The following CRAMP1 variants were observed in gnomAD, a reference collection of about 807,000 sequenced individuals.
CRAMP1 encodes the protein cramped chromatin regulator 1.
CRAMP1 carries 50 observed loss-of-function variants against 115.4 expected under a neutral mutation model. The observed-to-expected ratio is 0.43, with a 90% CI of 0.35 to 0.55. The LOEUF (loss-of-function observed/expected upper bound fraction) is 0.55. Among genes scored for constraint, CRAMP1 ranks in the 20% least tolerant of loss-of-function variants. The probability of loss-of-function intolerance (pLI) is 0.01; values close to 1 mark genes in which losing one functional copy is unlikely to be tolerated. For missense variants in CRAMP1, 1,679 were observed against 1,721.7 expected (o/e 0.98, Z 0.44); for synonymous variants, 866 against 745.4 (o/e 1.16, Z -2.64).
intron 6 of CRAMP1, among the ~76,000 whole-genome samples, chr16:1,651,251 G>C (rs1170522711): frequency 6.6e-6 from 1 of 150,916 alleles, no homozygotes; most frequent in Non-Finnish European, 1.5e-5. Flanking sequence ...TTACACAGAG[G>C]TCACACGGTG....
At chr16:1,648,822 G>A (rs1015453718) in intron 6 of CRAMP1, among the ~76,000 whole-genome samples, 6 of 152,286 alleles carry the variant, frequency 3.9e-5, no homozygotes, top group African/African-American at 1.4e-4. Flanking sequence ...ACTTTGGGAG[G>A]CCGAGGCGGG....
chr16:1,639,846 C>G (rs2036617560), intron 5 of CRAMP1, among the ~76,000 whole-genome samples: 3 of 152,292 alleles, frequency 2.0e-5, no homozygotes, highest in Admixed American at 6.5e-5. Context: ...TGATTTAGTT[C>G]TAGGAAGTCA....
Position 1,669,332 on chromosome 16 carries a change from T to C in CRAMP1, c.3499+167T>C, listed in dbSNP as rs890803284. Among the ~76,000 whole-genome samples, 9 of 152,228 alleles carry C rather than the reference T, an allele frequency of 5.9e-5. No homozygotes were observed. The highest frequency in any genetic ancestry group is 2.9e-5 in the Non-Finnish European group (2 of 68,048). On this transcript the variant is annotated intron_variant, in intron 19 of 20. Transcript: ENST00000397412. The surrounding 1 kb of genome is among the most constrained non-coding windows in gnomAD (Gnocchi z 4.6). ...TTAATATTTTTGGGTGTAATTTACA[T>C]GTAGGAAAATGTACACATTTTTAGT...
At chr16:1,628,558 A>G (rs2036524955) in intron 3 of CRAMP1, among the ~76,000 whole-genome samples, 1 of 152,232 alleles carries the variant, frequency 6.6e-6, no homozygotes, top group Admixed American at 6.5e-5. Flanking sequence ...CTGGCCTAAC[A>G]CGTTTCATTT....
intron 8 of CRAMP1, among the ~76,000 whole-genome samples, chr16:1,654,142 C>CAA (rs1271683909): frequency 2.4e-5 from 2 of 82,442 alleles, no homozygotes; most frequent in Admixed American, 1.3e-4. Context: ...GATTCCATCT[C>CAA]AAAAAAAAAA....
intron 3 of CRAMP1, among the ~76,000 whole-genome samples, chr16:1,627,255 C>T (rs936571114): frequency 1.3e-5 from 2 of 152,092 alleles, no homozygotes; most frequent in South Asian, 2.1e-4. Context: ...AAGCAATTCT[C>T]GTGCCTCAGC....
At chr16:1,663,688 T>TACC (rs1022453052) in intron 13 of CRAMP1, among the ~76,000 whole-genome samples, 10 of 152,194 alleles carry the variant, frequency 6.6e-5, no homozygotes, top group African/African-American at 2.2e-4. Context: ...CCCAGAACGT[T>TACC]ACCACCCAGA....
At position 1,662,547 on chromosome 16, in the gene CRAMP1, A is replaced by G. The variant is rs772436155; in HGVS notation, c.2471A>G (p.Asn824Ser). The G allele has an allele frequency of 4.0e-5, 65 of 1,613,750 alleles. No homozygotes were observed. The highest frequency in any genetic ancestry group is 1.3e-4 in the East Asian group (6 of 44,890). Reference protein sequence around the residue: ...LVPGPSSTGSNDSDGGLFAVP... With the variant: ...LVPGPSSTGSSDSDGGLFAVP... ...CCTGGTCCCTCCAGCACAGGAAGCA[A>G]TGACTCAGATGGAGGCCTTTTTGCT... The change falls in exon 12 of 21, where the codon AAT (asparagine) becomes AGT (serine). Residue 824 changes from asparagine to serine, a missense_variant. By Grantham distance (46) the Asn-to-Ser change is conservative (BLOSUM62 1). Around this residue, in one of 8 missense-constraint regions of CRAMP1, gnomAD observed 709 missense variants for 741.9 expected, o/e 0.96. Transcript: ENST00000397412.
At chr16:1,615,886 C>T (rs1359478351) in intron 2 of CRAMP1, among the ~76,000 whole-genome samples, 1 of 152,150 alleles carries the variant, frequency 6.6e-6, no homozygotes, top group Non-Finnish European at 1.5e-5. Flanking sequence ...CACTTCCTTC[C>T]TTGGGAAATG....
chr16:1,620,794 T>C (rs1444427018), intron 2 of CRAMP1: 1 of 428,954 alleles, frequency 2.3e-6, no homozygotes, highest in Non-Finnish European at 4.8e-6. Context: ...CAGGACAGTG[T>C]GCGCTGCTTG....
rs1463707076 is a variant in CRAMP1 at position 1,656,736 on chromosome 16, C to A, written c.1979C>A (p.Pro660His). The A allele has an allele frequency of 2.6e-6, 4 of 1,550,624 alleles. No homozygotes were observed. The South Asian group carries it at 4.8e-5, about 18-fold the overall frequency. The change falls in exon 10 of 21, where the codon CCC (proline) becomes CAC (histidine). Residue 660 changes from proline to histidine, a missense_variant. Physicochemically the swap from Pro to His is moderately conservative, Grantham distance 77 (BLOSUM62 -2). Around this residue, in one of 8 missense-constraint regions of CRAMP1, gnomAD observed 405 missense variants for 302.6 expected, o/e 1.34. Coordinates refer to ENST00000397412, the MANE Select transcript of CRAMP1 (RefSeq NM_020825.4). The surrounding 1 kb of genome is among the most constrained non-coding windows in gnomAD (Gnocchi z 5.6). ...TCTCAGGGACAGCCTGCCGCCAGGC[C>A]CCCGAAGGAGGTCCCCGCCAGCCGG... ...PPSQGQPAAR[P>H]PKEVPASRLA...
At position 1,671,279 on chromosome 16, in the gene CRAMP1, C is replaced by G. The variant is rs1378991304; in HGVS notation, c.3645+470C>G. ...CATGTTGAGCTGCGGTGCAGGGGAACTGGGATGGGCTCTGCTGTCCTCATG... is the reference window on the plus strand; with the variant it reads ...CATGTTGAGCTGCGGTGCAGGGGAAGTGGGATGGGCTCTGCTGTCCTCATG... On this transcript the variant is annotated intron_variant, in intron 20 of 20. Coordinates refer to ENST00000397412, the MANE Select transcript of CRAMP1 (RefSeq NM_020825.4). The surrounding 1 kb of genome is among the most constrained non-coding windows in gnomAD (Gnocchi z 5.0). Among the ~76,000 whole-genome samples the G allele has an allele frequency of 6.6e-6, 1 of 152,288 alleles. No homozygotes were observed. The highest frequency in any genetic ancestry group is 6.5e-5 in the Admixed American group (1 of 15,298).
rs972724722 is a variant in CRAMP1 at position 1,669,479 on chromosome 16, A to G, written c.3499+314A>G. ...GTGTGCCTTCCCAGTCTGTTCAGCTAGCCCGGCCCCTCCCGACTGGGTTCT... is the reference window on the plus strand; with the variant it reads ...GTGTGCCTTCCCAGTCTGTTCAGCTGGCCCGGCCCCTCCCGACTGGGTTCT... On this transcript the variant is annotated intron_variant, in intron 19 of 20. Transcript: ENST00000397412. The surrounding 1 kb of genome is among the most constrained non-coding windows in gnomAD (Gnocchi z 4.6). 2.6e-5 allele frequency among the ~76,000 whole-genome samples: 4 copies of G among 152,166 alleles called. No homozygotes were observed. The highest frequency in any genetic ancestry group is 5.9e-5 in the Non-Finnish European group (4 of 68,006).
Position 1,670,263 on chromosome 16 carries a change from A to G in CRAMP1, c.3500-401A>G, listed in dbSNP as rs1467951475. On this transcript the variant is annotated intron_variant, in intron 19 of 20. Coordinates refer to ENST00000397412, the MANE Select transcript of CRAMP1 (RefSeq NM_020825.4). ...TGGGCAAGAGCGAGACCCTGCCTTT[A>G]AAAAAAATTAAAAGCAAAGTTGGAA... Among the ~76,000 whole-genome samples, 4 of 151,342 alleles carry G rather than the reference A, an allele frequency of 2.6e-5. No homozygotes were observed. In the South Asian group the frequency reaches 8.4e-4, roughly 32 times the overall value.
chr16:1,638,436 G>A (rs572026287), intron 5 of CRAMP1, among the ~76,000 whole-genome samples: 2 of 152,216 alleles, frequency 1.3e-5, no homozygotes, highest in African/African-American at 2.4e-5. Flanking sequence ...CGGCCGCACT[G>A]CCTGGGCTTC....
rs1235082014 is a variant in CRAMP1, at chr16:1,672,914, TC to T, written c.3646-965del. On this transcript the variant is annotated intron_variant, in intron 20 of 20. Transcript: ENST00000397412. This position sits in a 1 kb window ranked among gnomAD's most constrained non-coding sequence, Gnocchi z 4.9. ...GTCGTGCTTTTCAGTCAAAGCCTCT[TC>T]CTGTCTCAGGGAACATGCCTGTTGC... 1.3e-5 allele frequency among the ~76,000 whole-genome samples: 2 copies of T among 152,242 alleles called. No individual in the cohort carries two copies. Among genetic ancestry groups the T allele is most frequent in the Admixed American group, 6.5e-5 (1 of 15,284 alleles).
rs566419875 is a variant in CRAMP1, at chr16:1,636,831, C to G, written c.695-993C>G. Among the ~76,000 whole-genome samples the G allele has an allele frequency of 8.5e-5, 13 of 152,308 alleles. 1 individual carries two copies. Among genetic ancestry groups the G allele is most frequent in the African/African-American group, 2.6e-4 (11 of 41,556 alleles). On this transcript the variant is annotated intron_variant, in intron 4 of 20. Transcript: ENST00000397412. ...GCCTCCCATTCTTGTGCTTGGCTGT[C>G]CTTGGTGACAGCTCCAGGCAGTGGC...
intron 6 of CRAMP1, among the ~76,000 whole-genome samples, chr16:1,652,036 G>GGAGGTGGACTGAGAGGTCACGGA (rs1441490838): frequency 6.7e-6 from 1 of 149,692 alleles, no homozygotes; most frequent in African/African-American, 2.5e-5. Flanking sequence ...GAGGTCACAG[G>GGAGGTGGACTGAGAGGTCACGGA]GAGGTGGACT....
Position 1,669,411 on chromosome 16 carries a change from A to G in CRAMP1, c.3499+246A>G, listed in dbSNP as rs530037857. Among the ~76,000 whole-genome samples the G allele has an allele frequency of 7.2e-5, 11 of 152,338 alleles. No homozygotes were observed. In the South Asian group the frequency reaches 1.5e-3, roughly 20 times the overall value. On this transcript the variant is annotated intron_variant, in intron 19 of 20. Coordinates refer to ENST00000397412, the MANE Select transcript of CRAMP1 (RefSeq NM_020825.4). This position sits in a 1 kb window ranked among gnomAD's most constrained non-coding sequence, Gnocchi z 4.6. ...GTATAGCCTGGTAACCCACAAGCCA[A>G]TGGAGACCTAGAACATTCCCGTGAC...
Sources: gnomAD v4.1 joint callset for allele counts (sites outside exome capture counted in the v4.1 genomes callset) on GRCh38, gnomAD v4.1.1 for gene constraint, gnomAD v4.1.1 regional missense constraint, Gnocchi (gnomAD v3.1) non-coding constraint, MANE v1.5 for transcripts, NCBI Gene and HGNC (gene_info 2026-07-23, HGNC 2026-07-21) for gene names.